FAM83B: variants seen among roughly 807,000 people sequenced by gnomAD.
The protein encoded by FAM83B is scaffolding CK1 anchoring protein B.
FAM83B carries 26 observed loss-of-function variants against 38.8 expected under a neutral mutation model. That is an observed-to-expected ratio of 0.67 (90% CI 0.49 to 0.93). FAM83B has a LOEUF of 0.93. FAM83B is among the 40% of genes least tolerant of loss of function. The pLI, the probability that FAM83B is intolerant of heterozygous loss-of-function variation, is 0.00. For missense variants in FAM83B, 1,237 were observed against 1,197.3 expected, an observed-to-expected ratio of 1.03 and a Z score of -0.49; for synonymous variants, 419 against 423.1, an observed-to-expected ratio of 0.99 and a Z score of 0.12.
chr6:54,868,561 C>T (rs1771771513), intron 1 of FAM83B, among the ~76,000 whole-genome samples: 1 of 152,086 alleles, frequency 6.6e-6, no homozygotes, highest in East Asian at 1.9e-4. Flanking sequence ...TTTATACTAG[C>T]AGACAAGATG....
chr6:54,851,044 G>A lies in FAM83B; in HGVS notation c.-61+4218G>A, dbSNP rs1301238312. 2.8e-5 allele frequency among the ~76,000 whole-genome samples: 4 copies of A among 143,122 alleles called. 1 individual carries two copies. Among genetic ancestry groups the A allele is most frequent in the African/African-American group, 7.7e-5 (3 of 38,828 alleles). 93.9% of individuals were successfully genotyped at this position (143,122 alleles called of 152,430 possible). On this transcript the variant is annotated intron_variant, in intron 1 of 4. Transcript: ENST00000306858. ...AAAAAAAAAAAAAAAAAAAAGTGCT[G>A]TATTTTTCTCAAATGTAACTTCTGA...
rs1773730965 is a variant in FAM83B, at chr6:54,942,620, C to T, written c.*613C>T. On this transcript the variant is annotated 3_prime_UTR_variant, in exon 5 of 5. Transcript: ENST00000306858. ...GTATCAGCCTCATGTAGTATAATGA[C>T]ATTCGTAGGAATTTATTTTCCTCAG... Among the ~76,000 whole-genome samples the T allele has an allele frequency of 6.6e-6, 1 of 151,488 alleles. No individual in the cohort carries two copies. Among genetic ancestry groups the T allele is most frequent in the Non-Finnish European group, 1.5e-5 (1 of 67,976 alleles).
chr6:54,852,965 G>C (rs991012267), intron 1 of FAM83B, among the ~76,000 whole-genome samples: 1 of 151,280 alleles, frequency 6.6e-6, no homozygotes, highest in Non-Finnish European at 1.5e-5. Context: ...TAAGCTCATT[G>C]GCTATTGTTG....
chr6:54,926,322 CT>C, intron 2 of FAM83B, 48 bp from the exon 3 acceptor site: 1 of 1,279,854 alleles, frequency 7.8e-7, no homozygotes, highest in Non-Finnish European at 1.1e-6. Flanking sequence ...TTTCTTAAAT[CT>C]TTCTCTATCA....
intron 1 of FAM83B, among the ~76,000 whole-genome samples, chr6:54,861,595 C>T (rs1172859148): frequency 6.6e-6 from 1 of 152,144 alleles, no homozygotes; most frequent in Non-Finnish European, 1.5e-5. Context: ...AGGAATGGTC[C>T]ATGATGTGGT....
intron 2 of FAM83B, among the ~76,000 whole-genome samples, chr6:54,923,721 A>G (rs1216716015): frequency 3.3e-5 from 5 of 152,050 alleles, no homozygotes; most frequent in African/African-American, 1.2e-4. Flanking sequence ...AAATCAAAGA[A>G]CTCAGAAGAG....
intron 2 of FAM83B, among the ~76,000 whole-genome samples, chr6:54,921,364 CG>C (rs1773163343): frequency 6.6e-6 from 1 of 150,968 alleles, no homozygotes; most frequent in African/African-American, 2.4e-5. Flanking sequence ...AGGTGTCCTC[CG>C]GGGTCTGGGT....
chr6:54,870,962 A>G (rs986086127), intron 2 of FAM83B, among the ~76,000 whole-genome samples: 1 of 152,224 alleles, frequency 6.6e-6, no homozygotes, highest in Non-Finnish European at 1.5e-5. Context: ...AGACTGAGGT[A>G]TGTTGACTAG....
At chr6:54,893,575 C>A (rs1772452866) in intron 2 of FAM83B, among the ~76,000 whole-genome samples, 1 of 152,084 alleles carries the variant, frequency 6.6e-6, no homozygotes, top group South Asian at 2.1e-4. Flanking sequence ...TCTTAAGCTT[C>A]ACATTTCTGA....
chr6:54,871,745 C>CAAAAA (rs34323872), intron 2 of FAM83B, among the ~76,000 whole-genome samples: 1 of 29,028 alleles, frequency 3.4e-5, no homozygotes. Flanking sequence ...CCTGTCTCAC[C>CAAAAA]AAAAAAAAAA....
At chr6:54,894,810 T>C (rs568644058) in intron 2 of FAM83B, among the ~76,000 whole-genome samples, 10 of 152,126 alleles carry the variant, frequency 6.6e-5, no homozygotes, top group Non-Finnish European at 1.5e-4. Flanking sequence ...ATATTGTGGT[T>C]TTTGAAAAGA....
In FAM83B at chr6:54,943,487, G is replaced by A. The variant is rs1456646001; in HGVS notation, c.*1480G>A. 6.6e-6 allele frequency: 1 copy of A among 152,104 alleles called. No homozygotes were observed. Among genetic ancestry groups the A allele is most frequent in the Non-Finnish European group, 1.5e-5 (1 of 68,018 alleles). 9.4% of individuals were successfully genotyped at this position (152,104 alleles called of 1,614,324 possible). On this transcript the variant is annotated 3_prime_UTR_variant, in exon 5 of 5. Transcript: ENST00000306858. ...ATTACTTAATATATTCTAAGTTGCTGTGTGGAGCAGTATACTGTTGTTTTA... is the reference window on the plus strand; with the variant it reads ...ATTACTTAATATATTCTAAGTTGCTATGTGGAGCAGTATACTGTTGTTTTA...
chr6:54,908,768 G>T (rs1772832959), intron 2 of FAM83B, among the ~76,000 whole-genome samples: 1 of 152,100 alleles, frequency 6.6e-6, no homozygotes, highest in South Asian at 2.1e-4. Flanking sequence ...GAATCACACT[G>T]TTCCTTGACC....
intron 2 of FAM83B, among the ~76,000 whole-genome samples, chr6:54,908,229 T>G (rs2127583699): frequency 6.6e-6 from 1 of 152,188 alleles, no homozygotes; most frequent in South Asian, 2.1e-4. Context: ...GTGATTTCGT[T>G]CACTCTCAAA....
intron 4 of FAM83B, among the ~76,000 whole-genome samples, chr6:54,933,478 T>G (rs1022533794): frequency 6.6e-6 from 1 of 152,062 alleles, no homozygotes; most frequent in African/African-American, 2.4e-5. Flanking sequence ...AGCTTATAGA[T>G]CTGTGATTCT....
chr6:54,846,804 C>G lies in FAM83B; in HGVS notation c.-83C>G, dbSNP rs1771145176. ...GGCGGCCGGCGCTGTGCGGCGGGCG[C>G]GGTTGCGCGCGGCTTGGGGCAAGTA... On this transcript the variant is annotated 5_prime_UTR_variant, in exon 1 of 5. Transcript: ENST00000306858. 6.6e-6 allele frequency: 1 copy of G among 152,172 alleles called. No homozygotes were observed. Among genetic ancestry groups the G allele is most frequent in the Non-Finnish European group, 1.5e-5 (1 of 68,128 alleles). 9.4% of individuals were successfully genotyped at this position (152,172 alleles called of 1,614,324 possible).
At chr6:54,859,376 T>C (rs72954852) in intron 1 of FAM83B, among the ~76,000 whole-genome samples, 3,162 of 152,328 alleles carry the variant, frequency 0.021, 42 homozygotes, top group South Asian at 0.031. Context: ...ATTATGATTT[T>C]TTTTAATTTA....
chr6:54,856,794 C>T (rs1771456880), intron 1 of FAM83B, among the ~76,000 whole-genome samples: 1 of 152,080 alleles, frequency 6.6e-6, no homozygotes, highest in Non-Finnish European at 1.5e-5. Flanking sequence ...GGCTTGATTA[C>T]AAGTGAATCC....
At position 54,870,531 on chromosome 6, in the gene FAM83B, T is replaced by G. The variant is rs1771823305; in HGVS notation, c.285T>G (p.Val95=). Residue 95 remains valine (V), a synonymous_variant, in exon 2 of 5, where the codon GTT becomes GTG. Transcript: ENST00000306858. ...TATCTTCAGGGACCTACTGGCCTGTTGAGTCTGATGTGGAAGCTCCAAATC... is the reference window on the plus strand; with the variant it reads ...TATCTTCAGGGACCTACTGGCCTGTGGAGTCTGATGTGGAAGCTCCAAATC... The part of the protein sequence containing the change: ...DTLSSGTYWP[V]ESDVEAPNLD... 6.2e-7 allele frequency: 1 copy of G among 1,614,090 alleles called. No homozygotes were observed. The highest frequency in any genetic ancestry group is 8.5e-7 in the Non-Finnish European group (1 of 1,179,974).
Sources: allele counts gnomAD v4.1 joint callset (sites outside exome capture counted in the v4.1 genomes callset), GRCh38; gene constraint gnomAD v4.1.1; transcripts MANE v1.5; gene names NCBI Gene and HGNC (gene_info 2026-07-23, HGNC 2026-07-21).